SEMA5B: variants seen among roughly 807,000 people sequenced by gnomAD.
SEMA5B encodes semaphorin 5B.
Under a neutral mutation model 135.0 loss-of-function variants are expected in SEMA5B, and 66 were observed. The ratio of observed to expected loss-of-function variants is 0.49; its 90% CI spans 0.40 to 0.60. The LOEUF (loss-of-function observed/expected upper bound fraction) is 0.60. Ranked by LOEUF, SEMA5B falls within the 20% of genes least tolerant of loss-of-function variation. The pLI is 0.00. For synonymous variants in SEMA5B, 690 were observed against 639.5 expected (o/e 1.08, Z -1.19); for missense variants, 1,501 against 1,566.3 (o/e 0.96, Z 0.70).
intron 2 of SEMA5B, among the ~76,000 whole-genome samples, chr3:122,952,277 G>T (rs1042526540): frequency 1.3e-5 from 2 of 152,102 alleles, no homozygotes; most frequent in African/African-American, 4.8e-5. Context: ...ATGGGGTTTC[G>T]CCGTGCTGTC....
intron 5 of SEMA5B, among the ~76,000 whole-genome samples, chr3:122,933,330 G>A (rs1484260520): frequency 1.3e-5 from 2 of 151,984 alleles, no homozygotes; most frequent in Admixed American, 6.6e-5. Context: ...TACTTGATTG[G>A]TAGTTTTGAT....
Position 122,988,533 on chromosome 3 carries a change from C to G in SEMA5B, c.-38-27232G>C, listed in dbSNP as rs1231298270. On this transcript the variant is annotated intron_variant, in intron 1 of 22. Coordinates refer to ENST00000357599, the MANE Select transcript of SEMA5B (RefSeq NM_001031702.4). Reference sequence around the variant, plus strand: ...CAGCAGGAGGAAGAGAGGGAGCACACAGATTACAGAAAGCAATTAACACAG... The same window carrying G: ...CAGCAGGAGGAAGAGAGGGAGCACAGAGATTACAGAAAGCAATTAACACAG... Among the ~76,000 whole-genome samples the G allele has an allele frequency of 2.0e-5, 3 of 152,340 alleles. No homozygotes were observed. The East Asian group carries it at 5.8e-4, about 29-fold the overall frequency.
intron 1 of SEMA5B, among the ~76,000 whole-genome samples, chr3:123,013,105 G>A (rs927949968): frequency 3.3e-5 from 5 of 152,130 alleles, no homozygotes; most frequent in South Asian, 2.1e-4. Context: ...AGAACACACC[G>A]GTCAGACACA....
At chr3:123,028,162 G>A (rs1400386455), upstream of SEMA5B, among the ~76,000 whole-genome samples, 10 of 152,290 alleles carry the variant, frequency 6.6e-5, no homozygotes, top group Non-Finnish European at 7.4e-5. Context: ...CAACACTCAG[G>A]GCCTGAGGAA....
intron 2 of SEMA5B, among the ~76,000 whole-genome samples, chr3:122,955,114 C>CT (rs551570476): frequency 6.6e-4 from 95 of 143,756 alleles, no homozygotes; most frequent in South Asian, 1.3e-3. Context: ...TCATCTTCTT[C>CT]TTTTTTTTTT....
chr3:122,963,990 C>A (rs1191427102), intron 1 of SEMA5B, among the ~76,000 whole-genome samples: 1 of 152,164 alleles, frequency 6.6e-6, no homozygotes, highest in East Asian at 1.9e-4. Flanking sequence ...TCCACTTCCA[C>A]CCCTGCCCCA....
At chr3:122,915,694 A>G in intron 13 of SEMA5B, 73 bp from the exon 14 acceptor site, 3 of 1,602,120 alleles carry the variant, frequency 1.9e-6, no homozygotes, top group South Asian at 1.1e-5. Flanking sequence ...ATCTCAGGGG[A>G]TTGGGGGAAT....
chr3:122,913,009 G>T lies in SEMA5B; in HGVS notation c.2559C>A (p.Ser853Arg), dbSNP rs768882352. ...RSGSTSPHTVSGGWAAWGPWS... is the reference protein window; with the variant it reads ...RSGSTSPHTVRGGWAAWGPWS... Reference sequence around the variant, plus strand: ...ACGGGCCCCAGGCGGCCCAGCCCCCGCTCACCGTGTGCGGGGAGGTGCTCC... The same window carrying T: ...ACGGGCCCCAGGCGGCCCAGCCCCCTCTCACCGTGTGCGGGGAGGTGCTCC... The change falls in exon 18 of 23, where the codon AGC becomes AGA. Residue 853 changes from serine (S) to arginine (R), a missense_variant. Ser to Arg is a moderately radical substitution (Grantham distance 110). Around this residue, in one of 2 missense-constraint regions of SEMA5B, gnomAD observed 927 missense variants for 881.6 expected, o/e 1.05. Coordinates refer to ENST00000357599, the MANE Select transcript of SEMA5B (RefSeq NM_001031702.4). 2 of 1,602,376 alleles carry T rather than the reference G, an allele frequency of 1.2e-6. No individual in the cohort carries two copies. Among genetic ancestry groups the T allele is most frequent in the South Asian group, 2.2e-5 (2 of 89,924 alleles).
At position 123,016,700 on chromosome 3, in the gene SEMA5B, A is replaced by G. The variant is rs571418690; in HGVS notation, c.-39+10764T>C. Among the ~76,000 whole-genome samples the G allele has an allele frequency of 2.6e-5, 4 of 151,660 alleles. No homozygotes were observed. In the South Asian group the frequency reaches 6.3e-4, roughly 24 times the overall value. The stretch of plus-strand genomic sequence containing the variant: ...AGCAATCCTCCTGCCTCAGCCTCCC[A>G]AGCAGCCAGGACTACAGGTGCATAA... On this transcript the variant is annotated intron_variant, in intron 1 of 22. Transcript: ENST00000357599.
intron 1 of SEMA5B, among the ~76,000 whole-genome samples, chr3:123,006,972 T>G (rs942825933): frequency 6.6e-6 from 1 of 151,900 alleles, no homozygotes; most frequent in African/African-American, 2.4e-5. Context: ...TAAACTATAA[T>G]GGAATAATTG....
chr3:122,970,397 A>G (rs1941057504), intron 1 of SEMA5B, among the ~76,000 whole-genome samples: 1 of 152,216 alleles, frequency 6.6e-6, no homozygotes, highest in South Asian at 2.1e-4. Flanking sequence ...CCCCTTCTCC[A>G]GAGTTTCTCA....
At chr3:122,956,698 G>A (rs921086994) in intron 2 of SEMA5B, among the ~76,000 whole-genome samples, 3 of 152,050 alleles carry the variant, frequency 2.0e-5, no homozygotes, top group African/African-American at 4.8e-5. Context: ...GGATCGCCCA[G>A]ACCACCCCGG....
intron 1 of SEMA5B, among the ~76,000 whole-genome samples, chr3:123,024,634 T>C (rs970560349): frequency 6.6e-6 from 1 of 152,104 alleles, no homozygotes; most frequent in Non-Finnish European, 1.5e-5. Context: ...AGAAGAATCT[T>C]AATGGGCCCT....
rs142815872 is a variant in SEMA5B, at chr3:122,915,867, G to A, written c.1712C>T (p.Pro571Leu). 51 of 1,613,880 alleles carry A rather than the reference G, an allele frequency of 3.2e-5. No individual in the cohort carries two copies. Among genetic ancestry groups the A allele is most frequent in the African/African-American group, 2.9e-4 (22 of 74,954 alleles). The change falls in exon 13 of 23, where the codon CCG (proline) becomes CTG (leucine). Residue 571 changes from proline to leucine, a missense_variant. Pro to Leu is a moderately conservative substitution (Grantham distance 98). Transcript: ENST00000357599. ...SQGACLGARD[P>L]YCGWDGKQQR... ...CTGCTTCCCGTCCCAGCCACAGTAC[G>A]GGTCCCGGGCCCCCAGGCATGCCCT...
chr3:122,984,779 G>T (rs191462470), intron 1 of SEMA5B, among the ~76,000 whole-genome samples: 4 of 152,066 alleles, frequency 2.6e-5, no homozygotes, highest in South Asian at 2.1e-4. Context: ...TAAAAAGAAA[G>T]CTTCAGAGAA....
intron 1 of SEMA5B, among the ~76,000 whole-genome samples, chr3:123,001,044 G>A (rs1942161178): frequency 6.6e-6 from 1 of 152,150 alleles, no homozygotes; most frequent in South Asian, 2.1e-4. Context: ...GAGGAGCAGG[G>A]CAGATTTCAT....
intron 1 of SEMA5B, among the ~76,000 whole-genome samples, chr3:123,024,915 T>A (rs1385820686): frequency 4.6e-5 from 7 of 152,230 alleles, no homozygotes; most frequent in Non-Finnish European, 1.0e-4. Context: ...AATTGCCTGA[T>A]CAACACACTG....
Position 122,911,930 on chromosome 3 carries a change from G to A in SEMA5B, c.3036C>T (p.Ser1012=), listed in dbSNP as rs754526196. 2.5e-6 allele frequency: 4 copies of A among 1,598,880 alleles called. No individual in the cohort carries two copies. Among genetic ancestry groups the A allele is most frequent in the East Asian group, 2.2e-5 (1 of 44,506 alleles). Residue 1012 remains serine (S), a synonymous_variant, in exon 20 of 23, where the codon AGC becomes AGT. Transcript: ENST00000357599. The stretch of plus-strand genomic sequence containing the variant: ...GGCAGGGGTACCTACCGGGAATCTC[G>A]CTGTAGGGGCAGGGGCGGCTCTGGC... ...NSSQSRPCPY[S]EIPVILPASS...
chr3:122,929,332 C>A (rs1330702518), intron 5 of SEMA5B, among the ~76,000 whole-genome samples: 1 of 152,208 alleles, frequency 6.6e-6, no homozygotes, highest in Non-Finnish European at 1.5e-5. Flanking sequence ...GCTTCTGAAT[C>A]TTTCATCATC....
Sources: allele counts gnomAD v4.1 joint callset (sites outside exome capture counted in the v4.1 genomes callset), GRCh38; gene constraint gnomAD v4.1.1; regional missense constraint gnomAD v4.1.1; transcripts MANE v1.5; gene names NCBI Gene and HGNC (gene_info 2026-07-23, HGNC 2026-07-21).